Variants in FNTB observed in about 807,000 individuals in gnomAD.
FNTB encodes protein farnesyltransferase subunit beta.
FNTB carries 27 observed loss-of-function variants against 59.4 expected under a neutral mutation model. The ratio of observed to expected loss-of-function variants is 0.45; its 90% confidence interval spans 0.34 to 0.63. FNTB has a LOEUF of 0.63. FNTB is among the 20% of genes least tolerant of loss of function. FNTB has a pLI of 0.02. For synonymous variants in FNTB, 230 were observed against 220.7 expected (o/e 1.04, Z -0.37); for missense variants, 449 against 559.6 (o/e 0.80, Z 1.99).
rs1269503959 is a variant in FNTB at position 65,009,737 on chromosome 14, T to C, written c.210-2580T>C. Among the ~76,000 whole-genome samples, 1 of 152,164 alleles carries C rather than the reference T, an allele frequency of 6.6e-6. No individual in the cohort carries two copies. Among genetic ancestry groups the C allele is most frequent in the East Asian group, 1.9e-4 (1 of 5,192 alleles). On this transcript the variant is annotated intron_variant, in intron 2 of 11. Coordinates refer to ENST00000246166, the MANE Select transcript of FNTB (RefSeq NM_002028.4). This position sits in a 1 kb window ranked among gnomAD's most constrained non-coding sequence, Gnocchi z 4.2. ...CAGCTGAACTAAACTAACTCAAATGTGTCATGGTGTTTTCTTCATTTTGCC... is the reference window on the plus strand; with the variant it reads ...CAGCTGAACTAAACTAACTCAAATGCGTCATGGTGTTTTCTTCATTTTGCC...
intron 11 of FNTB, among the ~76,000 whole-genome samples, chr14:65,060,439 A>ATGACCCAGGCGTGGTGGCTCACACCTG (rs1436999115): frequency 7.4e-6 from 1 of 134,962 alleles, no homozygotes; most frequent in African/African-American, 3.6e-5. Context: ...AAATACAAAA[A>ATGACCCAGGCGTGGTGGCTCACACCTG]TAATCCCAGC....
rs773309833 is a variant in FNTB at position 65,032,616 on chromosome 14, A to C, written c.612A>C (p.Ala204=). The part of the protein sequence containing the change: ...HVGGEVDVRS[A]YCAASVASLT... ...CCCGTTTCTGTCTTTCCAGAAGCGCATACTGTGCTGCCTCCGTAGCCTCGC... is the reference window on the plus strand; with the variant it reads ...CCCGTTTCTGTCTTTCCAGAAGCGCCTACTGTGCTGCCTCCGTAGCCTCGC... Residue 204 remains alanine (A), a synonymous_variant, in exon 7 of 12, where the codon GCA becomes GCC. Transcript: ENST00000246166. This position sits in a 1 kb window ranked among gnomAD's most constrained non-coding sequence, Gnocchi z 5.0. 1.2e-6 allele frequency: 2 copies of C among 1,613,766 alleles called. No individual in the cohort carries two copies. The highest frequency in any genetic ancestry group is 1.7e-5 in the Admixed American group (1 of 59,996).
At chr14:65,002,977 G>C (rs538780392) in intron 1 of FNTB, among the ~76,000 whole-genome samples, 5 of 152,214 alleles carry the variant, frequency 3.3e-5, no homozygotes, top group Non-Finnish European at 7.3e-5. Flanking sequence ...CTGTAGGAAT[G>C]ATGGGATACA....
intron 11 of FNTB, among the ~76,000 whole-genome samples, chr14:65,059,053 C>T (rs867746030): frequency 6.6e-6 from 1 of 152,070 alleles, no homozygotes; most frequent in Non-Finnish European, 1.5e-5. Context: ...GACATGATCT[C>T]ACTCTGTCAC....
At chr14:65,022,125 G>A (rs1458709192) in intron 4 of FNTB, 1 of 454,236 alleles carries the variant, frequency 2.2e-6, no homozygotes, top group Non-Finnish European at 4.4e-6. Flanking sequence ...CCTAGGGAAG[G>A]AGATTTCCTC....
At position 65,031,321 on chromosome 14, in the gene FNTB, T is replaced by A. The variant is rs993127518; in HGVS notation, c.606-1289T>A. On this transcript the variant is annotated intron_variant, in intron 6 of 11. Transcript: ENST00000246166. This position sits in a 1 kb window ranked among gnomAD's most constrained non-coding sequence, Gnocchi z 4.6. Reference sequence around the variant, plus strand: ...AAATCAAGTATAATAATTTTTTGTGTTTGTTTTTTTTTTTGAGACAGAGTC... The same window carrying A: ...AAATCAAGTATAATAATTTTTTGTGATTGTTTTTTTTTTTGAGACAGAGTC... 1.3e-5 allele frequency among the ~76,000 whole-genome samples: 2 copies of A among 151,418 alleles called. No individual in the cohort carries two copies. Among genetic ancestry groups the A allele is most frequent in the African/African-American group, 4.8e-5 (2 of 41,238 alleles).
chr14:64,993,609 A>G (rs1391895153), intron 1 of FNTB, among the ~76,000 whole-genome samples: 2 of 152,230 alleles, frequency 1.3e-5, no homozygotes, highest in Non-Finnish European at 1.5e-5. Context: ...CTTCTACTGC[A>G]GCTTCAATGA....
In FNTB at chr14:65,030,942, G is replaced by A. The variant is rs944722194; in HGVS notation, c.606-1668G>A. Among the ~76,000 whole-genome samples, 5 of 152,112 alleles carry A rather than the reference G, an allele frequency of 3.3e-5. No homozygotes were observed. The highest frequency in any genetic ancestry group is 1.2e-4 in the African/African-American group (5 of 41,420). ...CCTGCCTCGGTCTCCCAAGTAGCTG[G>A]GATTACAGGCGTGTGCCACCATGCC... On this transcript the variant is annotated intron_variant, in intron 6 of 11. Transcript: ENST00000246166. This position sits in a 1 kb window ranked among gnomAD's most constrained non-coding sequence, Gnocchi z 4.5.
Position 65,001,562 on chromosome 14 carries a change from T to C in FNTB, c.145-2687T>C. Among the ~76,000 whole-genome samples, 1 of 152,238 alleles carries C rather than the reference T, an allele frequency of 6.6e-6. No individual in the cohort carries two copies. Among genetic ancestry groups the C allele is most frequent in the East Asian group, 1.9e-4 (1 of 5,206 alleles). The stretch of plus-strand genomic sequence containing the variant: ...ATATGGGAGGGTTGTATAGGTTTTG[T>C]GTAAATACTCCAGCATTTTATATCA... On this transcript the variant is annotated intron_variant, in intron 1 of 11. Transcript: ENST00000246166. The surrounding 1 kb of genome is among the most constrained non-coding windows in gnomAD (Gnocchi z 5.5).
chr14:65,017,025 C>T lies in FNTB; in HGVS notation c.374+1309C>T, dbSNP rs1010526105. 4.7e-5 allele frequency among the ~76,000 whole-genome samples: 7 copies of T among 148,248 alleles called. No homozygotes were observed. In the South Asian group the frequency reaches 1.1e-3, roughly 23 times the overall value. ...GCTGCCTCTGCTTCCCGGGTTCAAG[C>T]GATTCTCCTGCCTCAGCCTCCTGAG... On this transcript the variant is annotated intron_variant, in intron 4 of 11. Coordinates refer to ENST00000246166, the MANE Select transcript of FNTB (RefSeq NM_002028.4).
At chr14:65,018,674 G>T (rs2061825747) in intron 4 of FNTB, among the ~76,000 whole-genome samples, 2 of 151,160 alleles carry the variant, frequency 1.3e-5, no homozygotes, top group Admixed American at 1.3e-4. Context: ...GCCTGGCTTG[G>T]TGGTGTATGC....
chr14:65,054,513 G>A lies in FNTB; in HGVS notation c.1068-62G>A. 3 of 1,518,752 alleles carry A rather than the reference G, an allele frequency of 2.0e-6. No homozygotes were observed. The highest frequency in any genetic ancestry group is 2.4e-5 in the East Asian group (1 of 41,524). The allele number at this position is 1,518,752 out of a possible 1,614,324, so 94.1% of individuals were successfully genotyped here. On this transcript the variant is annotated intron_variant, in intron 10 of 11. Transcript: ENST00000246166. This position sits in a 1 kb window ranked among gnomAD's most constrained non-coding sequence, Gnocchi z 4.4. Reference sequence around the variant, plus strand: ...CACCAGTGGTCTCTGAATTGGTGTGGCTACATTTGTAGATGTGTGCGGAGC... The same window carrying A: ...CACCAGTGGTCTCTGAATTGGTGTGACTACATTTGTAGATGTGTGCGGAGC...
chr14:65,004,374 T>A, intron 2 of FNTB, 61 bp downstream of exon 2: 1 of 1,553,640 alleles, frequency 6.4e-7, no homozygotes. Flanking sequence ...GCAGCCTTTC[T>A]TCTTTCCTCC....
chr14:65,024,755 A>C (rs555900504), intron 4 of FNTB, among the ~76,000 whole-genome samples: 1 of 152,186 alleles, frequency 6.6e-6, no homozygotes, highest in Non-Finnish European at 1.5e-5. Flanking sequence ...TCTCTATGAT[A>C]AGTTTTTCTC....
chr14:64,995,770 C>CGTATGTAT (rs112303968), intron 1 of FNTB, among the ~76,000 whole-genome samples: 10 of 150,028 alleles, frequency 6.7e-5, no homozygotes, highest in African/African-American at 2.4e-4. Context: ...TGTATATGTA[C>CGTATGTAT]GTATGTATGT....
intron 2 of FNTB, among the ~76,000 whole-genome samples, chr14:65,004,654 T>C (rs890397239): frequency 8.5e-5 from 13 of 152,174 alleles, no homozygotes; most frequent in African/African-American, 3.1e-4. Flanking sequence ...AGGTTTTTCT[T>C]TTTCTTTCTT....
intron 1 of FNTB, among the ~76,000 whole-genome samples, chr14:64,992,212 A>G (rs1324080685): frequency 6.6e-6 from 1 of 152,194 alleles, no homozygotes; most frequent in East Asian, 1.9e-4. Flanking sequence ...GCCCAAGTGT[A>G]AAGTAATCCT....
chr14:64,991,855 G>T lies in FNTB; in HGVS notation c.144+4758G>T, dbSNP rs1259546498. 6.6e-6 allele frequency among the ~76,000 whole-genome samples: 1 copy of T among 152,128 alleles called. No homozygotes were observed. The stretch of plus-strand genomic sequence containing the variant: ...GGCGTTAAGATGGCTTACCAGGAAC[G>T]GAGGGTGCAGGTTGGATGTGGTAGG... On this transcript the variant is annotated intron_variant, in intron 1 of 11. Transcript: ENST00000246166. This position sits in a 1 kb window ranked among gnomAD's most constrained non-coding sequence, Gnocchi z 4.4.
intron 2 of FNTB, among the ~76,000 whole-genome samples, chr14:65,008,834 T>C (rs2061638260): frequency 6.6e-6 from 1 of 152,148 alleles, no homozygotes; most frequent in Non-Finnish European, 1.5e-5. Flanking sequence ...ATTTAAATCA[T>C]TACCCAGTAC....
Sources: gnomAD v4.1 joint callset for allele counts (sites outside exome capture counted in the v4.1 genomes callset) on GRCh38, gnomAD v4.1.1 for gene constraint, Gnocchi (gnomAD v3.1) non-coding constraint, MANE v1.5 for transcripts, NCBI Gene and HGNC (gene_info 2026-07-23, HGNC 2026-07-21) for gene names.